SLCO2A1: variants seen among roughly 807,000 people sequenced by gnomAD.
SLCO2A1 encodes the protein solute carrier organic anion transporter family member 2A1.
Under a neutral mutation model 71.7 loss-of-function variants are expected in SLCO2A1, and 60 were observed. That is an observed-to-expected ratio of 0.84 (90% CI 0.68 to 1.04). SLCO2A1 has a LOEUF of 1.04. SLCO2A1 is among the 50% of genes least tolerant of loss of function. SLCO2A1 has a pLI of 0.00. For synonymous variants in SLCO2A1, 308 were observed against 326.7 expected (o/e 0.94, Z 0.62); for missense variants, 745 against 813.4 (o/e 0.92, Z 1.02).
chr3:134,029,756 G>A lies in SLCO2A1; in HGVS notation c.47C>T (p.Ser16Phe), dbSNP rs757575554. ...KLGASQGSDTSTSRAGRCARS... is the reference protein window; with the variant it reads ...KLGASQGSDTFTSRAGRCARS... Reference sequence around the variant, plus strand: ...GGCACAGCGGCCGGCTCGGCTAGTAGAGGTGTCGCTGCCCTGGGACGCGCC... The same window carrying A: ...GGCACAGCGGCCGGCTCGGCTAGTAAAGGTGTCGCTGCCCTGGGACGCGCC... Residue 16 changes from serine to phenylalanine, a missense_variant, in exon 1 of 14, where the codon TCT (serine) becomes TTT (phenylalanine). Transcript: ENST00000310926. 6 of 1,583,708 alleles carry A rather than the reference G, an allele frequency of 3.8e-6. No individual in the cohort carries two copies. The highest frequency in any genetic ancestry group is 5.1e-6 in the Non-Finnish European group (6 of 1,169,664).
intron 7 of SLCO2A1, 27 bp from the exon 8 acceptor site, chr3:133,948,727 T>TG: frequency 6.2e-7 from 1 of 1,609,310 alleles, no homozygotes; most frequent in Non-Finnish European, 8.5e-7. Flanking sequence ...GTCAAGGCTC[T>TG]GGCAGAACCC....
At chr3:134,029,508 GCT>G (rs1935776431) in intron 1 of SLCO2A1, among the ~76,000 whole-genome samples, 197 bp downstream of exon 1, 3 of 148,378 alleles carry the variant, frequency 2.0e-5, no homozygotes, top group Non-Finnish European at 3.0e-5. Context: ...ACACACACAC[GCT>G]CACACACACA....
chr3:133,997,104 G>A (rs1486589128), intron 1 of SLCO2A1, among the ~76,000 whole-genome samples: 4 of 152,136 alleles, frequency 2.6e-5, no homozygotes, highest in African/African-American at 4.8e-5. Context: ...CTGAAGGGCC[G>A]CATCTCCTGG....
chr3:134,005,296 C>T (rs190742617), intron 1 of SLCO2A1, among the ~76,000 whole-genome samples: 1 of 152,272 alleles, frequency 6.6e-6, no homozygotes, highest in East Asian at 1.9e-4. Context: ...GTAGATAAAT[C>T]ATCTTTCTTT....
chr3:133,946,630 T>C (rs989370035), intron 9 of SLCO2A1, among the ~76,000 whole-genome samples: 2 of 152,238 alleles, frequency 1.3e-5, no homozygotes, highest in African/African-American at 4.8e-5. Context: ...TAAACATAGC[T>C]TATTTCCTGG....
intron 9 of SLCO2A1, among the ~76,000 whole-genome samples, chr3:133,946,303 C>T (rs1408103844): frequency 6.6e-6 from 1 of 151,082 alleles, no homozygotes; most frequent in Admixed American, 6.6e-5. Context: ...GTTGCAACTT[C>T]ATTAGGCAAA....
At chr3:134,023,671 T>C (rs1012595580) in intron 1 of SLCO2A1, among the ~76,000 whole-genome samples, 1 of 152,240 alleles carries the variant, frequency 6.6e-6, no homozygotes, top group Non-Finnish European at 1.5e-5. Flanking sequence ...ATCATGGAAG[T>C]TAAAGACTTA....
rs1198085979 is a variant in SLCO2A1 at position 133,951,186 on chromosome 3, TCA to T, written c.861+20_861+21del. ...CTTTCTTCAACTCCATCAGGTAGAG[TCA>T]TGGGCTCTTGGAACCTTACCTTTGC... On this transcript the variant is annotated intron_variant, in intron 6 of 13. Coordinates refer to ENST00000310926, the MANE Select transcript of SLCO2A1 (RefSeq NM_005630.3). 2 of 1,613,730 alleles carry T rather than the reference TCA, an allele frequency of 1.2e-6. No individual in the cohort carries two copies. The highest frequency in any genetic ancestry group is 2.7e-5 in the African/African-American group (2 of 74,882).
rs187096532 is a variant in SLCO2A1, at chr3:133,938,425, T to C, written c.1690+4A>G. 1 of 1,613,868 alleles carries C rather than the reference T, an allele frequency of 6.2e-7. No individual in the cohort carries two copies. The highest frequency in any genetic ancestry group is 1.7e-5 in the Admixed American group (1 of 60,024). The stretch of plus-strand genomic sequence containing the variant: ...TCTTGGGAAGAGGGGTCTTAGACAC[T>C]TACCCAGCAAGCGCATCAACAAGAA... On this transcript the variant is annotated splice_donor_region_variant and intron_variant, in intron 12 of 13. Transcript: ENST00000310926.
At chr3:133,949,236 C>T (rs867327124) in intron 6 of SLCO2A1, 11 of 479,744 alleles carry the variant, frequency 2.3e-5, no homozygotes, top group Non-Finnish European at 3.8e-5. Flanking sequence ...CATTTCATAT[C>T]TAACTTTCCT....
rs1933656646 is a variant in SLCO2A1, at chr3:133,948,831, C to T, written c.940+62G>A. The T allele has an allele frequency of 2.5e-6, 4 of 1,594,798 alleles. No individual in the cohort carries two copies. In the Admixed American group the frequency reaches 6.7e-5, roughly 27 times the overall value. ...CACAACACCACAGGGGCTGGGGTCCCCCTGGCCACTATCCCCTCCCCCGCA... is the reference window on the plus strand; with the variant it reads ...CACAACACCACAGGGGCTGGGGTCCTCCTGGCCACTATCCCCTCCCCCGCA... On this transcript the variant is annotated intron_variant, in intron 7 of 13. Transcript: ENST00000310926.
chr3:133,997,604 G>A (rs1408775453), intron 1 of SLCO2A1, among the ~76,000 whole-genome samples: 1 of 152,238 alleles, frequency 6.6e-6, no homozygotes, highest in Non-Finnish European at 1.5e-5. Context: ...GAAGCAAGGA[G>A]AGAGTCCTGG....
intron 1 of SLCO2A1, among the ~76,000 whole-genome samples, chr3:134,003,441 T>C (rs956759948): frequency 6.6e-6 from 1 of 152,138 alleles, no homozygotes; most frequent in Non-Finnish European, 1.5e-5. Flanking sequence ...GCAGAATTTG[T>C]GTATAGGAGA....
chr3:133,945,003 A>G lies in SLCO2A1; in HGVS notation c.1461+92T>C, dbSNP rs892761268. 5 of 1,435,844 alleles carry G rather than the reference A, an allele frequency of 3.5e-6. No homozygotes were observed. In the Admixed American group the frequency reaches 1.1e-4, roughly 31 times the overall value. The allele number at this position is 1,435,844 out of a possible 1,614,324, so 88.9% of individuals were successfully genotyped here. A position where few individuals can be genotyped will look rare whatever the true frequency, so the allele number is the denominator to read the frequency against. ...TGAGTGTGTGTGTGGAGCCCTGCCTATCCTGGAGCCGAGAAACAGTCTTTG... is the reference window on the plus strand; with the variant it reads ...TGAGTGTGTGTGTGGAGCCCTGCCTGTCCTGGAGCCGAGAAACAGTCTTTG... On this transcript the variant is annotated intron_variant, in intron 10 of 13. Transcript: ENST00000310926.
At chr3:134,025,773 C>T (rs1407154644) in intron 1 of SLCO2A1, among the ~76,000 whole-genome samples, 3 of 152,086 alleles carry the variant, frequency 2.0e-5, no homozygotes, top group Admixed American at 2.0e-4. Flanking sequence ...CCTTGATCCT[C>T]GCTGGAAAAA....
At chr3:133,980,620 G>A (rs553124154) in intron 1 of SLCO2A1, among the ~76,000 whole-genome samples, 1 of 152,368 alleles carries the variant, frequency 6.6e-6, no homozygotes, top group Admixed American at 6.5e-5. Context: ...GTCTTCCAAA[G>A]CTCTTTCCAT....
In SLCO2A1 at chr3:133,955,029, G is replaced by A; in HGVS notation, c.562C>T (p.Gln188Ter). 3.7e-6 allele frequency: 6 copies of A among 1,614,206 alleles called. No homozygotes were observed. The highest frequency in any genetic ancestry group is 5.1e-6 in the Non-Finnish European group (6 of 1,180,038). The change falls in exon 4 of 14, where the codon CAG becomes TAG. Residue 188 changes from glutamine (Q) to a stop codon, truncating the protein, a stop_gained. Transcript: ENST00000310926. LOFTEE classifies it high-confidence loss of function. ...LLAGIGTVPIQPFGISYVDDF... is the reference protein window; with the variant it reads ...LLAGIGTVPI ...TCCACATAGGAGATCCCAAATGGCTGAATAGGCACTGTCCCGATGCCAGCC... is the reference window on the plus strand; with the variant it reads ...TCCACATAGGAGATCCCAAATGGCTAAATAGGCACTGTCCCGATGCCAGCC...
chr3:133,976,716 A>T (rs988585688), intron 2 of SLCO2A1, among the ~76,000 whole-genome samples: 5 of 152,194 alleles, frequency 3.3e-5, no homozygotes, highest in Non-Finnish European at 5.9e-5. Context: ...GAAAGCTGTT[A>T]CAATGCCCAT....
intron 1 of SLCO2A1, among the ~76,000 whole-genome samples, chr3:133,999,734 A>T (rs975409728): frequency 2.0e-5 from 3 of 152,204 alleles, no homozygotes; most frequent in African/African-American, 7.2e-5. Context: ...TAGTCCTAGG[A>T]GACAAGATGA....
Sources: gnomAD v4.1 joint callset for allele counts (sites outside exome capture counted in the v4.1 genomes callset) on GRCh38, gnomAD v4.1.1 for gene constraint, MANE v1.5 for transcripts, NCBI Gene and HGNC (gene_info 2026-07-23, HGNC 2026-07-21) for gene names.